FNBP4: variants seen among roughly 807,000 people sequenced by gnomAD.
The protein encoded by FNBP4 is formin-binding protein 4.
FNBP4 carries 34 observed loss-of-function variants against 119.3 expected under a neutral mutation model. That is an observed-to-expected ratio of 0.28 (90% CI 0.22 to 0.38). The LOEUF (loss-of-function observed/expected upper bound fraction) is 0.38. Among genes scored for constraint, FNBP4 ranks in the 10% least tolerant of loss-of-function variants. The probability of loss-of-function intolerance (pLI) is 1.00; values close to 1 mark genes in which losing one functional copy is unlikely to be tolerated. For synonymous variants in FNBP4, 462 were observed against 430.6 expected (o/e 1.07, Z -0.90); for missense variants, 1,112 against 1,228.9 (o/e 0.90, Z 1.42).
At chr11:47,726,401 T>A (rs1023733903) in intron 12 of FNBP4, 1 of 99,218 alleles carries the variant, frequency 1.0e-5, no homozygotes. Context: ...CACCTGCTAA[T>A]TTTTAATTTT....
At chr11:47,737,429 A>G (rs1368219795) in intron 8 of FNBP4, among the ~76,000 whole-genome samples, 1 of 152,108 alleles carries the variant, frequency 6.6e-6, no homozygotes, top group Non-Finnish European at 1.5e-5. Flanking sequence ...TGCTCAAAAG[A>G]GCAACATTAT....
At chr11:47,753,863 T>C (rs1426813577) in intron 3 of FNBP4, among the ~76,000 whole-genome samples, 4 of 152,118 alleles carry the variant, frequency 2.6e-5, no homozygotes, top group Non-Finnish European at 5.9e-5. Context: ...CTTCCAATTA[T>C]ACAAGCTCCC....
At chr11:47,726,683 T>C (rs1333874359) in intron 12 of FNBP4, 1 of 152,206 alleles carries the variant, frequency 6.6e-6, no homozygotes, top group Non-Finnish European at 1.5e-5. Flanking sequence ...CCATATTTAA[T>C]ATTAATTTAT....
chr11:47,754,988 A>T (rs1394723962), intron 2 of FNBP4, among the ~76,000 whole-genome samples: 1 of 151,822 alleles, frequency 6.6e-6, no homozygotes, highest in Non-Finnish European at 1.5e-5. Flanking sequence ...TTAAAAATAC[A>T]AAAAATTAGC....
chr11:47,737,144 T>C (rs530104242), intron 8 of FNBP4, among the ~76,000 whole-genome samples: 2 of 152,224 alleles, frequency 1.3e-5, no homozygotes, highest in African/African-American at 2.4e-5. Context: ...TGAGCCGAGA[T>C]TGCGCCACTG....
intron 10 of FNBP4, among the ~76,000 whole-genome samples, chr11:47,733,493 G>A (rs1024349188): frequency 1.3e-5 from 2 of 151,954 alleles, no homozygotes; most frequent in Non-Finnish European, 2.9e-5. Context: ...GTGCCACCAC[G>A]CCCGGCTAAT....
intron 8 of FNBP4, among the ~76,000 whole-genome samples, chr11:47,738,587 A>G (rs2135149438): frequency 6.6e-6 from 1 of 152,318 alleles, no homozygotes; most frequent in South Asian, 2.1e-4. Context: ...TAATTTTTTA[A>G]AAAGCCAAAA....
chr11:47,750,216 T>C (rs1328886970), intron 6 of FNBP4, among the ~76,000 whole-genome samples: 1 of 151,120 alleles, frequency 6.6e-6, no homozygotes, highest in Admixed American at 6.6e-5. Flanking sequence ...CTGCCTCTAA[T>C]AAAAATACAA....
In FNBP4 at chr11:47,732,938, T is replaced by C. The variant is rs2097569138; in HGVS notation, c.1687-268A>G. The stretch of plus-strand genomic sequence containing the variant: ...TTCAAGACCAGCCTGGCCAACAAGG[T>C]GAGACCCTGTCTGTACTAAAAATAC... On this transcript the variant is annotated intron_variant, in intron 10 of 16. Coordinates refer to ENST00000263773, the MANE Select transcript of FNBP4 (RefSeq NM_015308.5). The surrounding 1 kb of genome is among the most constrained non-coding windows in gnomAD (Gnocchi z 4.2). Among the ~76,000 whole-genome samples the C allele has an allele frequency of 6.6e-6, 1 of 152,020 alleles. No homozygotes were observed. Among genetic ancestry groups the C allele is most frequent in the Non-Finnish European group, 1.5e-5 (1 of 67,998 alleles).
chr11:47,739,715 A>G (rs539971012), intron 8 of FNBP4, among the ~76,000 whole-genome samples: 1 of 152,350 alleles, frequency 6.6e-6, no homozygotes, highest in Admixed American at 6.5e-5. Flanking sequence ...AATTGAGCCC[A>G]TGAATTCAAA....
chr11:47,745,068 T>C (rs1401696401), intron 7 of FNBP4, among the ~76,000 whole-genome samples: 1 of 152,244 alleles, frequency 6.6e-6, no homozygotes, highest in Non-Finnish European at 1.5e-5. Flanking sequence ...CCTGTTATCT[T>C]AGTAAGCTGA....
At chr11:47,725,847 A>AT in intron 12 of FNBP4, 3 of 890,534 alleles carry the variant, frequency 3.4e-6, no homozygotes, top group Non-Finnish European at 4.0e-6. Flanking sequence ...CTAAAATCAT[A>AT]GAATTTAGGA....
At chr11:47,764,107 T>A (rs73453047) in intron 2 of FNBP4, among the ~76,000 whole-genome samples, 2,546 of 152,004 alleles carry the variant, frequency 0.017, 43 homozygotes, top group African/African-American at 0.046. Context: ...AACATTTAAA[T>A]TTATATTTTA....
chr11:47,746,121 C>T lies in FNBP4; in HGVS notation c.1180G>A (p.Gly394Arg). The T allele has an allele frequency of 6.2e-7, 1 of 1,613,104 alleles. No homozygotes were observed. Among genetic ancestry groups the T allele is most frequent in the Non-Finnish European group, 8.5e-7 (1 of 1,179,830 alleles). The stretch of plus-strand genomic sequence containing the variant: ...TGTTCCTCTTCCTCCTCACTTTCTC[C>T]AGATTGGACAACACTGCAAAGATCC... ...QEDLCSVVQSGESEEEEEQDT... is the reference protein window; with the variant it reads ...QEDLCSVVQSRESEEEEEQDT... The change falls in exon 7 of 17, where the codon GGA becomes AGA. Residue 394 changes from glycine to arginine, a missense_variant. Around this residue, in one of 2 missense-constraint regions of FNBP4, gnomAD observed 826 missense variants for 988.8 expected, o/e 0.84. Transcript: ENST00000263773.
intron 1 of FNBP4, 28 bp downstream of exon 1, chr11:47,767,041 G>T: frequency 6.6e-7 from 1 of 1,517,034 alleles, no homozygotes; most frequent in Non-Finnish European, 8.8e-7. Context: ...CCCTGAGCTC[G>T]AGTTCAGGTC....
rs1397598775 is a variant in FNBP4 at position 47,767,020 on chromosome 11, T to C, written c.220+49A>G. The C allele has an allele frequency of 4.6e-6, 7 of 1,506,876 alleles. No individual in the cohort carries two copies. The African/African-American group carries it at 7.2e-5, about 16-fold the overall frequency. The allele number at this position is 1,506,876 out of a possible 1,614,324, so 93.3% of individuals were successfully genotyped here. A position where few individuals can be genotyped will look rare whatever the true frequency, so the allele number is the denominator to read the frequency against. On this transcript the variant is annotated intron_variant, in intron 1 of 16. Transcript: ENST00000263773. ...GTCTGGCCAGGCGCCGTGAGGAGCC[T>C]AGGCCGCAAGCCCTGAGCTCGAGTT...
chr11:47,739,497 C>T (rs1239291841), intron 8 of FNBP4, among the ~76,000 whole-genome samples: 1 of 152,174 alleles, frequency 6.6e-6, no homozygotes, highest in Non-Finnish European at 1.5e-5. Context: ...AGAATGCACA[C>T]ACCCCTTTGA....
At chr11:47,735,600 A>G (rs773242500) in intron 9 of FNBP4, among the ~76,000 whole-genome samples, 1 of 152,214 alleles carries the variant, frequency 6.6e-6, no homozygotes, top group Admixed American at 6.5e-5. Flanking sequence ...CTCAAACAAG[A>G]GGCTTAATTT....
At chr11:47,744,253 T>A (rs1261326770) in intron 7 of FNBP4, 90 bp from the exon 8 acceptor site, 2 of 1,242,270 alleles carry the variant, frequency 1.6e-6, no homozygotes, top group Admixed American at 4.8e-5. Flanking sequence ...TTGTTGAAAT[T>A]TAAATTCTTT....
Sources: gnomAD v4.1 joint callset for allele counts (sites outside exome capture counted in the v4.1 genomes callset) on GRCh38, gnomAD v4.1.1 for gene constraint, gnomAD v4.1.1 regional missense constraint, Gnocchi (gnomAD v3.1) non-coding constraint, MANE v1.5 for transcripts, NCBI Gene and HGNC (gene_info 2026-07-23, HGNC 2026-07-21) for gene names.